Variants in STRN observed in about 807,000 individuals in gnomAD.
STRN encodes the protein protein phosphatase 2 regulatory subunit B'''alpha.
In STRN, 53 loss-of-function variants were observed where a neutral mutation model predicts 96.3. That is an observed-to-expected ratio of 0.55 (90% CI 0.44 to 0.69). STRN has a LOEUF of 0.69. Among genes scored for constraint, STRN ranks in the 30% least tolerant of loss-of-function variants. STRN has a pLI of 0.00. For missense variants in STRN, 987 were observed against 963.9 expected, an observed-to-expected ratio of 1.02 and a Z score of -0.32; for synonymous variants, 428 against 355.9, an observed-to-expected ratio of 1.20 and a Z score of -2.28.
rs1304704637 is a variant in STRN at position 36,884,030 on chromosome 2, T to C, written c.1088A>G (p.Asp363Gly). 7.0e-7 allele frequency: 1 copy of C among 1,429,214 alleles called. No individual in the cohort carries two copies. Among genetic ancestry groups the C allele is most frequent in the Non-Finnish European group, 9.2e-7 (1 of 1,084,394 alleles). The allele number at this position is 1,429,214 out of a possible 1,614,324, so 88.5% of individuals were successfully genotyped here. The change falls in exon 9 of 18, where the codon GAT becomes GGT. Residue 363 changes from aspartate to glycine, a missense_variant. Coordinates refer to ENST00000263918, the MANE Select transcript of STRN (RefSeq NM_003162.4). Reference sequence around the variant, plus strand: ...CTGCAATGAAGGAAGTTCATCAACATCTCTCAAATTAGCAAGCATATCTTG... The same window carrying C: ...CTGCAATGAAGGAAGTTCATCAACACCTCTCAAATTAGCAAGCATATCTTG... The part of the protein sequence containing the change: ...KLQDMLANLR[D>G]VDELPSLQPS...
chr2:36,893,846 A>G (rs1230507805), intron 7 of STRN, 52 bp downstream of exon 7: 12 of 1,542,084 alleles, frequency 7.8e-6, no homozygotes, highest in Non-Finnish European at 1.0e-5. Flanking sequence ...GTAAAATATT[A>G]ATTTCTTTTA....
At chr2:36,849,948 C>A in intron 16 of STRN, 148 bp from the exon 17 acceptor site, 1 of 732,448 alleles carries the variant, frequency 1.4e-6, no homozygotes, top group Non-Finnish European at 2.2e-6. Flanking sequence ...AACAACATGT[C>A]TCCCTCTTGC....
chr2:36,886,694 A>G, intron 8 of STRN, 22 bp downstream of exon 8: 1 of 1,569,138 alleles, frequency 6.4e-7, no homozygotes, highest in Non-Finnish European at 8.7e-7. Flanking sequence ...TATGATTTAC[A>G]GATACAATGT....
intron 1 of STRN, among the ~76,000 whole-genome samples, chr2:36,935,511 T>TCACAATTCA (rs1485012677): frequency 6.6e-6 from 1 of 152,234 alleles, no homozygotes; most frequent in East Asian, 1.9e-4. Context: ...CTTTTAATTT[T>TCACAATTCA]CAGAATGTTC....
rs552218813 is a variant in STRN at position 36,905,574 on chromosome 2, A to G, written c.457T>C (p.Leu153=). Residue 153 remains leucine (L), a synonymous_variant, in exon 4 of 18, where the codon TTA becomes CTA. Coordinates refer to ENST00000263918, the MANE Select transcript of STRN (RefSeq NM_003162.4). ...AGTTGTCGACCTTGTTTCCACATTA[A>G]CTGGCTGTTTTGTTGTGGCTGCACT... is the stretch of plus-strand genomic sequence containing the variant. ...TEVQPQQNSQ[L]MWKQGRQLLR... 1 of 1,613,648 alleles carries G rather than the reference A, an allele frequency of 6.2e-7. No homozygotes were observed. The highest frequency in any genetic ancestry group is 2.2e-5 in the East Asian group (1 of 44,812).
At chr2:36,896,835 A>C in intron 6 of STRN, among the ~76,000 whole-genome samples, 1 of 152,178 alleles carries the variant, frequency 6.6e-6, no homozygotes, top group Non-Finnish European at 1.5e-5. Flanking sequence ...TTGTTATTAC[A>C]CTTAACTGGT....
At chr2:36,916,002 C>T (rs1670088289) in intron 3 of STRN, 76 bp downstream of exon 3, 1 of 1,270,598 alleles carries the variant, frequency 7.9e-7, no homozygotes, top group African/African-American at 1.5e-5. Context: ...AAGTAACTTA[C>T]AGTTGTAAAT....
At chr2:36,896,299 G>A (rs1669538756) in intron 6 of STRN, among the ~76,000 whole-genome samples, 1 of 152,116 alleles carries the variant, frequency 6.6e-6, no homozygotes, top group African/African-American at 2.4e-5. Flanking sequence ...AAAGAATAAA[G>A]ATAAATGACA....
intron 1 of STRN, among the ~76,000 whole-genome samples, chr2:36,952,640 G>A (rs1363146024): frequency 6.6e-6 from 1 of 152,148 alleles, no homozygotes; most frequent in Non-Finnish European, 1.5e-5. Context: ...AAAGCACTTA[G>A]CATTGTACCT....
At chr2:36,853,316 T>A (rs972907496) in intron 15 of STRN, among the ~76,000 whole-genome samples, 9 of 152,146 alleles carry the variant, frequency 5.9e-5, no homozygotes, top group Non-Finnish European at 1.2e-4. Flanking sequence ...GCAACACCCG[T>A]GGTAAAGTCC....
chr2:36,915,960 C>T, intron 3 of STRN, 118 bp downstream of exon 3: 1 of 855,462 alleles, frequency 1.2e-6, no homozygotes. Flanking sequence ...ACAAGCAGGT[C>T]AGAAAAAATA....
intron 2 of STRN, among the ~76,000 whole-genome samples, chr2:36,924,322 C>T (rs1477117487): frequency 6.8e-6 from 1 of 146,948 alleles, no homozygotes; most frequent in Non-Finnish European, 1.5e-5. Context: ...CACCACTGCA[C>T]TCCAGCATGG....
At chr2:36,890,897 A>G (rs1167506161) in intron 7 of STRN, among the ~76,000 whole-genome samples, 3 of 152,214 alleles carry the variant, frequency 2.0e-5, no homozygotes, top group African/African-American at 7.2e-5. Context: ...TAGAAGTATA[A>G]TCAGTTTCTT....
In STRN at chr2:36,966,098, C is replaced by T. The variant is rs1240536681; in HGVS notation, c.234+132G>A. ...AGGCGAAGAGAAGAAGGGGACGGGGCTCCGGGTGGGATGGGCGGCAGCAAA... is the reference window on the plus strand; with the variant it reads ...AGGCGAAGAGAAGAAGGGGACGGGGTTCCGGGTGGGATGGGCGGCAGCAAA... On this transcript the variant is annotated intron_variant, in intron 1 of 17. Transcript: ENST00000263918. The T allele has an allele frequency of 6.5e-6, 7 of 1,077,942 alleles. No individual in the cohort carries two copies. In the Admixed American group the frequency reaches 1.6e-4, roughly 25 times the overall value. 66.8% of individuals were successfully genotyped at this position (1,077,942 alleles called of 1,614,324 possible). A position where few individuals can be genotyped will look rare whatever the true frequency, so the allele number is the denominator to read the frequency against.
Position 36,871,955 on chromosome 2 carries a change from G to GT in STRN, c.1324-2227dup, listed in dbSNP as rs1390292222. 3.9e-5 allele frequency among the ~76,000 whole-genome samples: 6 copies of GT among 152,318 alleles called. No individual in the cohort carries two copies. In the East Asian group the frequency reaches 9.6e-4, roughly 24 times the overall value. On this transcript the variant is annotated intron_variant, in intron 10 of 17. Transcript: ENST00000263918. Reference sequence around the variant, plus strand: ...AAAATACATCATCCAAGGAACTACTGTAACTACTGGGGCTGGTTATTCTGG... The same window carrying GT: ...AAAATACATCATCCAAGGAACTACTGTTAACTACTGGGGCTGGTTATTCTGG...
intron 13 of STRN, 53 bp downstream of exon 13, chr2:36,861,079 A>G: frequency 6.3e-7 from 1 of 1,596,290 alleles, no homozygotes; most frequent in Non-Finnish European, 8.5e-7. Flanking sequence ...TCTATGAAAA[A>G]ATGTGTTTAA....
rs142935783 is a variant in STRN at position 36,911,307 on chromosome 2, G to T, written c.412+4771C>A. On this transcript the variant is annotated intron_variant, in intron 3 of 17. Transcript: ENST00000263918. Reference sequence around the variant, plus strand: ...TGAACAACTATGATAGATGCAAACTGATTGTCTGAGCAGACCAGTCAGGCT... The same window carrying T: ...TGAACAACTATGATAGATGCAAACTTATTGTCTGAGCAGACCAGTCAGGCT... 3.6e-4 allele frequency among the ~76,000 whole-genome samples: 55 copies of T among 152,282 alleles called. 1 individual carries two copies. The highest frequency in any genetic ancestry group is 1.0e-3 in the Admixed American group (16 of 15,296).
In STRN at chr2:36,920,872, C is replaced by T. The variant is rs1185233606; in HGVS notation, c.338+4233G>A. On this transcript the variant is annotated intron_variant, in intron 2 of 17. Transcript: ENST00000263918. ...CGGGCGGATCACAAGGTCAAGGGATCGAGACCATCCTGGCCAAGATGGTGA... is the reference window on the plus strand; with the variant it reads ...CGGGCGGATCACAAGGTCAAGGGATTGAGACCATCCTGGCCAAGATGGTGA... 2.6e-5 allele frequency among the ~76,000 whole-genome samples: 4 copies of T among 151,744 alleles called. No individual in the cohort carries two copies. The East Asian group carries it at 7.8e-4, about 29-fold the overall frequency.
At chr2:36,954,881 C>T (rs1160201564) in intron 1 of STRN, among the ~76,000 whole-genome samples, 1 of 151,964 alleles carries the variant, frequency 6.6e-6, no homozygotes, top group African/African-American at 2.4e-5. Context: ...TCAGGCAGTC[C>T]GCCAGCCTCA....
Sources: gnomAD v4.1 joint callset for allele counts (sites outside exome capture counted in the v4.1 genomes callset) on GRCh38, gnomAD v4.1.1 for gene constraint, MANE v1.5 for transcripts, NCBI Gene and HGNC (gene_info 2026-07-23, HGNC 2026-07-21) for gene names.